PKD1L1: variants seen among roughly 807,000 people sequenced by gnomAD.
PKD1L1 encodes the protein polycystin 1 like 1, transient receptor potential channel interacting.
Under a neutral mutation model 323.4 loss-of-function variants are expected in PKD1L1, and 236 were observed. That is an observed-to-expected ratio of 0.73 (90% CI 0.66 to 0.81). The LOEUF is 0.81. Among genes scored for constraint, PKD1L1 ranks in the 40% least tolerant of loss-of-function variants. PKD1L1 has a pLI of 0.00. For missense variants in PKD1L1, 3,320 were observed against 3,508.0 expected (o/e 0.95, Z 1.35); for synonymous variants, 1,344 against 1,335.0 (o/e 1.01, Z -0.15).
chr7:47,934,479 G>C (rs1057250073), intron 4 of PKD1L1, among the ~76,000 whole-genome samples: 1 of 152,180 alleles, frequency 6.6e-6, no homozygotes, highest in Non-Finnish European at 1.5e-5. Flanking sequence ...CACTTCAGCT[G>C]TTCCTAATGT....
intron 24 of PKD1L1, among the ~76,000 whole-genome samples, chr7:47,867,455 G>A (rs1005031171): frequency 1.3e-5 from 2 of 152,076 alleles, no homozygotes; most frequent in Non-Finnish European, 2.9e-5. Flanking sequence ...CAAAAACAAC[G>A]ACAACAAGCC....
intron 2 of PKD1L1, among the ~76,000 whole-genome samples, chr7:47,943,015 G>A (rs528393275): frequency 1.3e-5 from 2 of 151,598 alleles, no homozygotes; most frequent in African/African-American, 4.8e-5. Flanking sequence ...GCGTGGTGGC[G>A]GACGCCTGTA....
intron 54 of PKD1L1, among the ~76,000 whole-genome samples, chr7:47,800,121 G>C (rs188530960): frequency 1.2e-4 from 18 of 152,110 alleles, no homozygotes; most frequent in African/African-American, 4.1e-4. Flanking sequence ...AAGACCATGG[G>C]GGAGACTCTT....
In PKD1L1 at chr7:47,796,095, G is replaced by T; in HGVS notation, c.8249C>A (p.Ser2750Tyr). Residue 2750 changes from serine (S) to tyrosine (Y), a missense_variant, in exon 55 of 57, where the codon TCT becomes TAT. Transcript: ENST00000289672. ...PQKRKSFQSK[S>Y]FVRLKDVTAY... is the part of the protein sequence containing the mutation. ...AGTGACATCTTTAAGTCTCACAAAA[G>T]ATTTACTTTGAAAAGATTTTCTTTT... The T allele has an allele frequency of 1.2e-6, 2 of 1,610,644 alleles. No individual in the cohort carries two copies. Among genetic ancestry groups the T allele is most frequent in the Non-Finnish European group, 1.7e-6 (2 of 1,178,428 alleles).
chr7:47,792,721 T>A lies in PKD1L1; in HGVS notation c.8432A>T (p.Gln2811Leu). 6.2e-7 allele frequency: 1 copy of A among 1,614,122 alleles called. No homozygotes were observed. The highest frequency in any genetic ancestry group is 8.5e-7 in the Non-Finnish European group (1 of 1,179,988). The change falls in exon 56 of 57, where the codon CAA (glutamine) becomes CTA (leucine). Residue 2811 changes from glutamine (Q) to leucine (L), a missense_variant. Coordinates refer to ENST00000289672, the MANE Select transcript of PKD1L1 (RefSeq NM_138295.5). Reference protein sequence around the residue: ...MKINGLSDSLQLPLLEKTSNN... With the variant: ...MKINGLSDSLLLPLLEKTSNN... ...GGATGTTTTTTCCAGAAGGGGGAGT[T>A]GTAGGCTGTCGGACAAACCATTAAT...
chr7:47,929,281 T>C lies in PKD1L1; in HGVS notation c.983A>G (p.Asp328Gly), dbSNP rs1583681775. 6.2e-7 allele frequency: 1 copy of C among 1,614,030 alleles called. No individual in the cohort carries two copies. Among genetic ancestry groups the C allele is most frequent in the Non-Finnish European group, 8.5e-7 (1 of 1,180,002 alleles). The change falls in exon 7 of 57, where the codon GAC becomes GGC. Residue 328 changes from aspartate to glycine, a missense_variant. Physicochemically the swap from Asp to Gly is moderately conservative, Grantham distance 94. Coordinates refer to ENST00000289672, the MANE Select transcript of PKD1L1 (RefSeq NM_138295.5). ...TAGCCTCATTTCAACCCCAGAACTG[T>C]CCCCGAAATCCATCATCAGACAGAG... ...EALCLMMDFG[D>G]SSGVEMRLHN...
chr7:47,778,641 T>C (rs1584937862), intron 56 of PKD1L1, among the ~76,000 whole-genome samples: 1 of 150,238 alleles, frequency 6.7e-6, no homozygotes, highest in Non-Finnish European at 1.5e-5. Flanking sequence ...AGTATAGAGA[T>C]AAGGGCAATT....
rs372050303 is a variant in PKD1L1, at chr7:47,847,063, C to T, written c.4969G>A (p.Val1657Ile). 1.9e-6 allele frequency: 3 copies of T among 1,573,296 alleles called. No homozygotes were observed. The highest frequency in any genetic ancestry group is 2.6e-6 in the Non-Finnish European group (3 of 1,164,668). ...IPAASQKDASVGYLSLLDADY... is the reference protein window; with the variant it reads ...IPAASQKDASIGYLSLLDADY... ...GCATCCAATAAGGATAAATAGCCTA[C>T]ACTGGCATCTAAAAAGAGAAAACAT... Residue 1657 changes from valine (V) to isoleucine (I), a missense_variant, in exon 32 of 57, where the codon GTA becomes ATA. Transcript: ENST00000289672.
rs1299437766 is a variant in PKD1L1, at chr7:47,840,050, G to A, written c.5553-388C>T. Among the ~76,000 whole-genome samples, 1 of 152,096 alleles carries A rather than the reference G, an allele frequency of 6.6e-6. No individual in the cohort carries two copies. The highest frequency in any genetic ancestry group is 2.4e-5 in the African/African-American group (1 of 41,400). ...CCAGGAGAAAAAATAATTTAGCTCAGTCCTTTCATATTTTCTAAGACGCCA... is the reference window on the plus strand; with the variant it reads ...CCAGGAGAAAAAATAATTTAGCTCAATCCTTTCATATTTTCTAAGACGCCA... On this transcript the variant is annotated intron_variant, in intron 35 of 56. Transcript: ENST00000289672. The surrounding 1 kb of genome is among the most constrained non-coding windows in gnomAD (Gnocchi z 4.1).
the PKD1L1 span, among the ~76,000 whole-genome samples, chr7:47,954,761 G>A: frequency 2.0e-5 from 3 of 152,184 alleles, no homozygotes; most frequent in South Asian, 2.1e-4. Flanking sequence ...CACCACAGGT[G>A]GTCAGCATGT....
chr7:47,929,614 A>G, intron 6 of PKD1L1, 88 bp from the exon 7 acceptor site: 1 of 1,265,276 alleles, frequency 7.9e-7, no homozygotes, highest in Non-Finnish European at 1.1e-6. Flanking sequence ...GCCTGGGTCC[A>G]GCCAGCTAGA....
intron 21 of PKD1L1, among the ~76,000 whole-genome samples, chr7:47,879,680 T>G: frequency 7.7e-6 from 1 of 130,610 alleles, no homozygotes; most frequent in Non-Finnish European, 1.6e-5. Context: ...ACGCCTGTAA[T>G]CCCAGCACTT....
At chr7:47,815,689 A>C (rs1410763145) in intron 46 of PKD1L1, among the ~76,000 whole-genome samples, 1 of 152,068 alleles carries the variant, frequency 6.6e-6, no homozygotes, top group Non-Finnish European at 1.5e-5. Flanking sequence ...TCATTTGCTC[A>C]CTCCATCAGT....
At chr7:47,816,012 G>A (rs763638687) in intron 46 of PKD1L1, among the ~76,000 whole-genome samples, 2 of 152,164 alleles carry the variant, frequency 1.3e-5, no homozygotes, top group South Asian at 2.1e-4. Flanking sequence ...AGGGGACGGC[G>A]AGGGCTTCCG....
Position 47,894,744 on chromosome 7 carries a change from G to A in PKD1L1, c.2272-685C>T, listed in dbSNP as rs568626932. Among the ~76,000 whole-genome samples, 6 of 152,070 alleles carry A rather than the reference G, an allele frequency of 3.9e-5. No homozygotes were observed. The South Asian group carries it at 8.3e-4, about 21-fold the overall frequency. On this transcript the variant is annotated intron_variant, in intron 14 of 56. Transcript: ENST00000289672. ...CATGTGCCTGTAATCCCAGCTACAT[G>A]GGAGGCAGAGGCACAAGAATCGCTT...
At chr7:47,957,860 A>ATATATATATATATATATATATAT in the PKD1L1 span, among the ~76,000 whole-genome samples, 989 of 123,830 alleles carry the variant, frequency 8.0e-3, 27 homozygotes, top group South Asian at 0.017. Flanking sequence ...CAATTAAAAA[A>ATATATATATATATATATATATAT]AAATATATAT....
intron 38 of PKD1L1, 45 bp from the exon 39 acceptor site, chr7:47,835,084 T>C: frequency 6.2e-7 from 1 of 1,609,742 alleles, no homozygotes; most frequent in Non-Finnish European, 8.5e-7. Flanking sequence ...TCCCCAGCAA[T>C]GAAGGGGCTG....
At chr7:47,844,338 G>A (rs1785621874) in intron 33 of PKD1L1, among the ~76,000 whole-genome samples, 1 of 152,092 alleles carries the variant, frequency 6.6e-6, no homozygotes, top group Non-Finnish European at 1.5e-5. Context: ...ATGAATATAA[G>A]GAGAAAAAAA....
chr7:47,923,184 A>G (rs889546695), intron 7 of PKD1L1, among the ~76,000 whole-genome samples: 1 of 152,196 alleles, frequency 6.6e-6, no homozygotes, highest in African/African-American at 2.4e-5. Flanking sequence ...ACCCAGGGAC[A>G]CAAACACTGC....
Sources: gnomAD v4.1 joint callset for allele counts (sites outside exome capture counted in the v4.1 genomes callset) on GRCh38, gnomAD v4.1.1 for gene constraint, Gnocchi (gnomAD v3.1) non-coding constraint, MANE v1.5 for transcripts, NCBI Gene and HGNC (gene_info 2026-07-23, HGNC 2026-07-21) for gene names.